RORA: variants seen among roughly 807,000 people sequenced by gnomAD.
RORA encodes the protein nuclear receptor ROR-alpha.
In RORA, 7 loss-of-function variants were observed where a neutral mutation model predicts 69.5. That is an observed-to-expected ratio of 0.10 (90% CI 0.06 to 0.19). The LOEUF is 0.19. Among genes scored for constraint, RORA ranks in the 10% least tolerant of loss-of-function variants. RORA has a pLI of 1.00. For missense variants in RORA, 457 were observed against 663.0 expected, an observed-to-expected ratio of 0.69 and a Z score of 3.41; for synonymous variants, 261 against 240.8, an observed-to-expected ratio of 1.08 and a Z score of -0.78.
At chr15:61,036,134 C>T (rs145035191) in intron 1 of RORA, among the ~76,000 whole-genome samples, 2 of 152,204 alleles carry the variant, frequency 1.3e-5, no homozygotes, top group African/African-American at 4.8e-5. Flanking sequence ...GAAGCATAAG[C>T]CTCTTAAAAC....
rs1279033988 is a variant in RORA, at chr15:60,537,363, G to A, written c.197-5512C>T. 6.6e-6 allele frequency among the ~76,000 whole-genome samples: 1 copy of A among 152,202 alleles called. No homozygotes were observed. The highest frequency in any genetic ancestry group is 1.5e-5 in the Non-Finnish European group (1 of 68,030). On this transcript the variant is annotated intron_variant, in intron 2 of 10. Transcript: ENST00000335670. The surrounding 1 kb of genome is among the most constrained non-coding windows in gnomAD (Gnocchi z 4.9). ...GCCTTGCTGCAGAGTGACTGCAACA[G>A]CCTGGAGAGAGGAAACCTTTCTTCA...
At chr15:60,857,386 A>G (rs1015426390) in intron 1 of RORA, among the ~76,000 whole-genome samples, 4 of 146,392 alleles carry the variant, frequency 2.7e-5, no homozygotes, top group Non-Finnish European at 6.1e-5. Context: ...ATGCACCCCA[A>G]ATGGAAGTAA....
At chr15:60,639,199 A>T (rs1328037746) in intron 2 of RORA, among the ~76,000 whole-genome samples, 1 of 146,258 alleles carries the variant, frequency 6.8e-6, no homozygotes, top group Non-Finnish European at 1.5e-5. Context: ...TTGTTCTTTA[A>T]ACCATAAGCA....
intron 4 of RORA, among the ~76,000 whole-genome samples, chr15:60,513,389 G>A (rs2065766878): frequency 6.6e-6 from 1 of 152,088 alleles, no homozygotes; most frequent in African/African-American, 2.4e-5. Context: ...GACACTCAAG[G>A]GGCCTAATAC....
At chr15:60,498,116 C>T (rs958245465) in intron 10 of RORA, among the ~76,000 whole-genome samples, 1 of 152,072 alleles carries the variant, frequency 6.6e-6, no homozygotes, top group African/African-American at 2.4e-5. Context: ...GCCAAGTATA[C>T]ATTAAATATG....
chr15:60,603,447 A>G (rs1173384077), intron 2 of RORA, among the ~76,000 whole-genome samples: 2 of 152,202 alleles, frequency 1.3e-5, no homozygotes, highest in Non-Finnish European at 2.9e-5. Context: ...ATATTTATCC[A>G]TTCATTGCTG....
chr15:61,184,754 G>C (rs1354539707), intron 1 of RORA, among the ~76,000 whole-genome samples: 2 of 152,060 alleles, frequency 1.3e-5, no homozygotes, highest in African/African-American at 4.8e-5. Context: ...GAAAGCCAAG[G>C]TGGGAGAATT....
intron 2 of RORA, among the ~76,000 whole-genome samples, chr15:60,595,549 A>G (rs2068648120): frequency 6.6e-6 from 1 of 152,142 alleles, no homozygotes; most frequent in African/African-American, 2.4e-5. Context: ...GTAGAAATAC[A>G]ATAAAATATT....
At chr15:60,820,470 G>A (rs2072879438) in intron 1 of RORA, among the ~76,000 whole-genome samples, 1 of 152,114 alleles carries the variant, frequency 6.6e-6, no homozygotes, top group African/African-American at 2.4e-5. Flanking sequence ...ATATTTTTAT[G>A]TAAAACATAG....
chr15:60,495,433 A>G lies in RORA; in HGVS notation c.*2022T>C, dbSNP rs1036776380. 6.6e-6 allele frequency: 1 copy of G among 152,202 alleles called. No homozygotes were observed. The highest frequency in any genetic ancestry group is 2.4e-5 in the African/African-American group (1 of 41,450). 9.4% of individuals were successfully genotyped at this position (152,202 alleles called of 1,614,324 possible). A position where few individuals can be genotyped will look rare whatever the true frequency, so the allele number is the denominator to read the frequency against. The stretch of plus-strand genomic sequence containing the variant: ...ACTATGTTTTTGGAAAAAAAGTTGG[A>G]TGTTATTTAGGCTTCATACACACAT... On this transcript the variant is annotated 3_prime_UTR_variant, in exon 11 of 11. Transcript: ENST00000335670.
At chr15:60,638,094 TAAGTA>T (rs1423785695) in intron 2 of RORA, among the ~76,000 whole-genome samples, 6 of 152,176 alleles carry the variant, frequency 3.9e-5, no homozygotes, top group African/African-American at 1.4e-4. Flanking sequence ...TGGTTCATCT[TAAGTA>T]AAGAAAATTT....
intron 2 of RORA, among the ~76,000 whole-genome samples, chr15:60,639,895 A>C (rs990075705): frequency 2.0e-5 from 3 of 152,190 alleles, no homozygotes; most frequent in Admixed American, 1.3e-4. Context: ...TAAAGCATCA[A>C]TAATTTGCAA....
chr15:60,563,028 G>T (rs2067620484), intron 2 of RORA, among the ~76,000 whole-genome samples: 1 of 152,000 alleles, frequency 6.6e-6, no homozygotes, highest in Non-Finnish European at 1.5e-5. Context: ...CTCAAGTTTG[G>T]GCTCAAATAA....
chr15:60,517,165 TGAG>T (rs1322355769), intron 3 of RORA, among the ~76,000 whole-genome samples: 2 of 151,414 alleles, frequency 1.3e-5, no homozygotes, highest in East Asian at 3.9e-4. Context: ...GTGGGCAGCT[TGAG>T]AAGAAGTGCA....
At chr15:61,181,260 G>A (rs1487376904) in intron 1 of RORA, 1 of 152,108 alleles carries the variant, frequency 6.6e-6, no homozygotes, top group Non-Finnish European at 1.5e-5. Flanking sequence ...TAGTGAGTTG[G>A]TCTTAACATG....
intron 1 of RORA, among the ~76,000 whole-genome samples, chr15:60,789,077 G>A (rs561485656): frequency 1.3e-5 from 2 of 152,196 alleles, no homozygotes; most frequent in African/African-American, 4.8e-5. Context: ...TGACAGTAAA[G>A]AAGGGTTGGA....
intron 1 of RORA, among the ~76,000 whole-genome samples, chr15:61,025,101 C>T (rs72625742): frequency 0.11 from 16,427 of 152,022 alleles, 1,311 homozygotes; most frequent in East Asian, 0.28. Context: ...ACAGACAGGA[C>T]GCAAACCCAT....
chr15:61,188,459 A>G (rs2079765624), intron 1 of RORA, among the ~76,000 whole-genome samples: 1 of 152,148 alleles, frequency 6.6e-6, no homozygotes, highest in Non-Finnish European at 1.5e-5. Flanking sequence ...GGTACCAGTG[A>G]GTTCTGCAAA....
chr15:60,897,115 G>C (rs35598844), intron 1 of RORA, among the ~76,000 whole-genome samples: 53,817 of 151,792 alleles, frequency 0.35, 10,202 homozygotes, highest in Non-Finnish European at 0.43. Flanking sequence ...ACCAAGGAGA[G>C]TTCCAGTCAC....
Sources: allele counts gnomAD v4.1 joint callset (sites outside exome capture counted in the v4.1 genomes callset), GRCh38; gene constraint gnomAD v4.1.1; non-coding constraint Gnocchi (gnomAD v3.1); transcripts MANE v1.5; gene names NCBI Gene and HGNC (gene_info 2026-07-23, HGNC 2026-07-21).